The following CACNB4 variants were observed in gnomAD, a reference collection of about 807,000 sequenced individuals.
CACNB4 encodes calcium voltage-gated channel auxiliary subunit beta 4.
A neutral mutation model predicts 71.2 loss-of-function variants in CACNB4; 32 were observed. The ratio of observed to expected loss-of-function variants is 0.45; its 90% confidence interval spans 0.34 to 0.60. The LOEUF is 0.60. CACNB4 is among the 20% of genes least tolerant of loss of function. The pLI is 0.01. For synonymous variants in CACNB4, 231 were observed against 236.9 expected, an observed-to-expected ratio of 0.97 and a Z score of 0.23; for missense variants, 464 against 647.9, an observed-to-expected ratio of 0.72 and a Z score of 3.08.
chr2:151,998,653 G>A (rs535665835), intron 2 of CACNB4, among the ~76,000 whole-genome samples: 4 of 152,272 alleles, frequency 2.6e-5, no homozygotes, highest in Admixed American at 1.3e-4. Context: ...TCCCCTCCAC[G>A]GGGGCACTAA....
chr2:152,044,031 C>A (rs1360977990), intron 2 of CACNB4, among the ~76,000 whole-genome samples: 1 of 152,080 alleles, frequency 6.6e-6, no homozygotes, highest in Non-Finnish European at 1.5e-5. Flanking sequence ...CTCAGCAAGA[C>A]CCTGTCTCTT....
At chr2:151,939,656 A>G (rs946872396) in intron 2 of CACNB4, among the ~76,000 whole-genome samples, 1 of 152,186 alleles carries the variant, frequency 6.6e-6, no homozygotes, top group Admixed American at 6.5e-5. Context: ...TGAGCCCACC[A>G]AAGTGACTAC....
chr2:152,002,533 T>G (rs1682485332), intron 2 of CACNB4, among the ~76,000 whole-genome samples: 1 of 152,258 alleles, frequency 6.6e-6, no homozygotes, highest in Non-Finnish European at 1.5e-5. Flanking sequence ...CTATTCATTT[T>G]AATAAGAATT....
chr2:151,856,324 GAC>G (rs1483611704), intron 10 of CACNB4, among the ~76,000 whole-genome samples: 1 of 152,052 alleles, frequency 6.6e-6, no homozygotes, highest in Admixed American at 6.6e-5. Flanking sequence ...TCGTTTTTGA[GAC>G]ACAGTTTCAC....
intron 2 of CACNB4, among the ~76,000 whole-genome samples, chr2:152,007,368 C>T (rs1223120899): frequency 6.6e-6 from 1 of 152,214 alleles, no homozygotes; most frequent in Admixed American, 6.5e-5. Flanking sequence ...TTAACACTAA[C>T]TCTCCATTCT....
Position 151,872,494 on chromosome 2 carries a change from C to T in CACNB4, c.522-1G>A, listed in dbSNP as rs1383185787. On this transcript the variant is annotated splice_acceptor_variant, in intron 5 of 13. Transcript: ENST00000539935. LOFTEE classifies it high-confidence loss of function. The stretch of plus-strand genomic sequence containing the variant: ...TGAAGAAGAATTTCCACTTGATTTC[C>T]TAGGATATAGAAAAGGAACTAAAGA... 1 of 1,570,846 alleles carries T rather than the reference C, an allele frequency of 6.4e-7. No individual in the cohort carries two copies. The highest frequency in any genetic ancestry group is 8.7e-7 in the Non-Finnish European group (1 of 1,143,140).
At chr2:152,007,503 C>T (rs564028880) in intron 2 of CACNB4, among the ~76,000 whole-genome samples, 190 of 152,290 alleles carry the variant, frequency 1.2e-3, no homozygotes, top group Non-Finnish European at 2.3e-3. Flanking sequence ...TTTCACTTAG[C>T]GTAATGTCTT....
chr2:151,930,186 G>C (rs1202968561), intron 2 of CACNB4, among the ~76,000 whole-genome samples: 1 of 152,126 alleles, frequency 6.6e-6, no homozygotes, highest in Non-Finnish European at 1.5e-5. Context: ...TTCAGAGAAA[G>C]TTCTACGTGT....
At chr2:151,909,348 A>G (rs759510720) in intron 2 of CACNB4, among the ~76,000 whole-genome samples, 20 of 151,178 alleles carry the variant, frequency 1.3e-4, no homozygotes, top group Non-Finnish European at 2.7e-4. Context: ...GGCAGGGAGA[A>G]TTGCTTGAAC....
At chr2:151,872,537 T>C in intron 5 of CACNB4, 44 bp from the exon 6 acceptor site, 1 of 1,082,416 alleles carries the variant, frequency 9.2e-7, no homozygotes, top group Non-Finnish European at 1.4e-6. Context: ...CCCAGATTCT[T>C]TGAAAATAGA....
intron 12 of CACNB4, chr2:151,851,228 A>G (rs2099838999): frequency 6.6e-6 from 1 of 152,236 alleles, no homozygotes; most frequent in Non-Finnish European, 1.5e-5. Flanking sequence ...GGTTTTTATA[A>G]TCCAAAGATT....
intron 2 of CACNB4, among the ~76,000 whole-genome samples, chr2:152,032,188 C>T (rs758929087): frequency 1.3e-5 from 2 of 152,148 alleles, no homozygotes; most frequent in Non-Finnish European, 2.9e-5. Flanking sequence ...AATATAGAAC[C>T]AGAGACTGTG....
At position 152,013,741 on chromosome 2, in the gene CACNB4, G is replaced by A. The variant is rs192906010; in HGVS notation, c.147+84589C>T. Among the ~76,000 whole-genome samples, 10 of 152,258 alleles carry A rather than the reference G, an allele frequency of 6.6e-5. No individual in the cohort carries two copies. The East Asian group carries it at 1.7e-3, about 26-fold the overall frequency. On this transcript the variant is annotated intron_variant, in intron 2 of 13. Transcript: ENST00000539935. Reference sequence around the variant, plus strand: ...ATGTGAGAGCTGTTGTGTTATAATCGCAAAGCCCTGGTAACTCTGGTAAGG... The same window carrying A: ...ATGTGAGAGCTGTTGTGTTATAATCACAAAGCCCTGGTAACTCTGGTAAGG...
chr2:151,878,453 C>T (rs1053029847), intron 4 of CACNB4, among the ~76,000 whole-genome samples: 1 of 151,940 alleles, frequency 6.6e-6, no homozygotes, highest in Non-Finnish European at 1.5e-5. Context: ...CATGGTGGCA[C>T]ATTCCTGTAA....
chr2:151,971,341 CA>C (rs2099872488), intron 2 of CACNB4: 1 of 599,982 alleles, frequency 1.7e-6, no homozygotes, highest in East Asian at 2.7e-5. Flanking sequence ...ACACACCCCA[CA>C]AAGACATTTT....
intron 2 of CACNB4, among the ~76,000 whole-genome samples, chr2:151,935,421 T>A (rs1560025699): frequency 1.3e-5 from 2 of 152,222 alleles, no homozygotes; most frequent in Non-Finnish European, 2.9e-5. Flanking sequence ...GCCCTTAGCA[T>A]GAGGCCGAAT....
At chr2:151,999,365 G>A (rs1035781201) in intron 2 of CACNB4, among the ~76,000 whole-genome samples, 5 of 111,934 alleles carry the variant, frequency 4.5e-5, no homozygotes, top group Admixed American at 1.2e-4. Context: ...CTGTCTGCCC[G>A]CCCTGTTATG....
intron 2 of CACNB4, among the ~76,000 whole-genome samples, chr2:151,941,531 C>G (rs2099864251): frequency 6.6e-6 from 1 of 151,948 alleles, no homozygotes; most frequent in Non-Finnish European, 1.5e-5. Context: ...ATCCGCCTAC[C>G]TCAGCCTCCC....
chr2:151,859,400 G>A (rs2099841102), intron 10 of CACNB4: 1 of 152,154 alleles, frequency 6.6e-6, no homozygotes, highest in Admixed American at 6.5e-5. Flanking sequence ...ACATTAGAAG[G>A]AGTACTTAAA....
Sources: allele counts gnomAD v4.1 joint callset (sites outside exome capture counted in the v4.1 genomes callset), GRCh38; gene constraint gnomAD v4.1.1; transcripts MANE v1.5; gene names NCBI Gene and HGNC (gene_info 2026-07-23, HGNC 2026-07-21).